VCL: variants seen among roughly 807,000 people sequenced by gnomAD.
The protein encoded by VCL is vinculin.
Under a neutral mutation model 125.7 loss-of-function variants are expected in VCL, and 47 were observed. The ratio of observed to expected loss-of-function variants is 0.37; its 90% confidence interval spans 0.30 to 0.48. The LOEUF (loss-of-function observed/expected upper bound fraction) is 0.48. Among genes scored for constraint, VCL ranks in the 20% least tolerant of loss-of-function variants. VCL has a pLI of 0.99. For synonymous variants in VCL, 458 were observed against 514.6 expected (o/e 0.89, Z 1.49); for missense variants, 1,069 against 1,455.5 (o/e 0.73, Z 4.32).
chr10:74,096,398 G>T (rs1839970329), intron 12 of VCL, among the ~76,000 whole-genome samples: 1 of 151,954 alleles, frequency 6.6e-6, no homozygotes, highest in Non-Finnish European at 1.5e-5. Flanking sequence ...TTGTAATCCT[G>T]AAATCTTGGG....
At chr10:74,092,693 T>G (rs1306260713) in intron 10 of VCL, among the ~76,000 whole-genome samples, 1 of 152,218 alleles carries the variant, frequency 6.6e-6, no homozygotes, top group Non-Finnish European at 1.5e-5. Flanking sequence ...TGGTTGACTA[T>G]GCAGTGTTTT....
chr10:74,033,324 GTT>G (rs1378260964), intron 1 of VCL, among the ~76,000 whole-genome samples: 1 of 152,216 alleles, frequency 6.6e-6, no homozygotes, highest in Non-Finnish European at 1.5e-5. Flanking sequence ...GTAGATTAGT[GTT>G]TACCTAAGAT....
chr10:74,114,999 C>G, intron 21 of VCL, 100 bp downstream of exon 21: 1 of 1,119,798 alleles, frequency 8.9e-7, no homozygotes, highest in Non-Finnish European at 1.3e-6. Context: ...AATTGAGTAT[C>G]GAGTATTCAG....
chr10:74,113,182 A>C (rs1840257019), intron 19 of VCL, among the ~76,000 whole-genome samples: 2 of 152,228 alleles, frequency 1.3e-5, no homozygotes, highest in African/African-American at 4.8e-5. Flanking sequence ...ACTTTTAGCT[A>C]GTTTTGAACA....
chr10:74,100,863 CCTT>C, intron 13 of VCL, 82 bp from the exon 14 acceptor site: 1 of 1,528,242 alleles, frequency 6.5e-7, no homozygotes, highest in East Asian at 2.3e-5. Flanking sequence ...CAGTTGCTGC[CCTT>C]CTTAAAGGAT....
At chr10:74,068,068 T>G (rs1375737027) in intron 2 of VCL, among the ~76,000 whole-genome samples, 2 of 152,242 alleles carry the variant, frequency 1.3e-5, no homozygotes, top group Non-Finnish European at 2.9e-5. Flanking sequence ...AAATTTGAAT[T>G]GGTGAGAAGG....
chr10:74,057,229 G>C (rs1841404533), intron 2 of VCL, among the ~76,000 whole-genome samples: 1 of 151,872 alleles, frequency 6.6e-6, no homozygotes, highest in African/African-American at 2.4e-5. Context: ...ATAGGTGTGA[G>C]TCACCATCCC....
At chr10:74,018,682 G>A (rs1055113865) in intron 1 of VCL, among the ~76,000 whole-genome samples, 5 of 151,966 alleles carry the variant, frequency 3.3e-5, no homozygotes, top group African/African-American at 1.2e-4. Flanking sequence ...ACATAAATCA[G>A]TTAAAAAAAA....
rs551947921 is a variant in VCL, at chr10:74,029,856, TA to T, written c.169-13219del. ...TTATGAAGGCAATACATAGTTGATT[TA>T]AAAAAAATACTCTGGAAAAAGTATA... On this transcript the variant is annotated intron_variant, in intron 1 of 21. Coordinates refer to ENST00000211998, the MANE Select transcript of VCL (RefSeq NM_014000.3). Among the ~76,000 whole-genome samples, 23 of 152,118 alleles carry T rather than the reference TA, an allele frequency of 1.5e-4. No individual in the cohort carries two copies. The South Asian group carries it at 1.9e-3, about 12-fold the overall frequency.
At chr10:74,111,619 A>G (rs1003417293) in intron 18 of VCL, among the ~76,000 whole-genome samples, 2 of 152,194 alleles carry the variant, frequency 1.3e-5, no homozygotes, top group South Asian at 4.1e-4. Flanking sequence ...CAAGTATATT[A>G]AAGAAATGGA....
intron 1 of VCL, among the ~76,000 whole-genome samples, chr10:74,027,415 C>T (rs373964827): frequency 1.3e-5 from 2 of 150,714 alleles, no homozygotes; most frequent in African/African-American, 4.9e-5. Context: ...AATCCCAGCA[C>T]TTTGGGAGGC....
At chr10:74,073,994 G>A (rs555654250) in intron 5 of VCL, among the ~76,000 whole-genome samples, 13 of 152,166 alleles carry the variant, frequency 8.5e-5, no homozygotes, top group South Asian at 2.1e-4. Context: ...TTGGGAGGCC[G>A]AGGTGGGTGG....
chr10:74,065,444 C>G (rs1441625932), intron 2 of VCL, among the ~76,000 whole-genome samples: 2 of 152,022 alleles, frequency 1.3e-5, no homozygotes, highest in Admixed American at 6.6e-5. Context: ...GCCCCCAGCA[C>G]TTTAGGAGTC....
At chr10:74,029,555 T>A (rs1267463069) in intron 1 of VCL, among the ~76,000 whole-genome samples, 1 of 152,220 alleles carries the variant, frequency 6.6e-6, no homozygotes, top group Non-Finnish European at 1.5e-5. Flanking sequence ...AGTCTCATAT[T>A]GGGTTAGAAT....
intron 1 of VCL, chr10:74,017,025 G>T (rs1004157521): frequency 6.7e-6 from 1 of 148,506 alleles, no homozygotes; most frequent in Non-Finnish European, 1.5e-5. Flanking sequence ...CCAAGTTGTA[G>T]CATATGTCAG....
rs995178545 is a variant in VCL, at chr10:74,117,134, G to C, written c.3259-889G>C. On this transcript the variant is annotated intron_variant, in intron 21 of 21. Coordinates refer to ENST00000211998, the MANE Select transcript of VCL (RefSeq NM_014000.3). ...TTTAAAGTGGTTGGTTGCTTGGTTT[G>C]TTCATTTGGTTGTTTTTAAAATTCA... 2.0e-5 allele frequency among the ~76,000 whole-genome samples: 3 copies of C among 152,070 alleles called. No homozygotes were observed. The East Asian group carries it at 5.8e-4, about 29-fold the overall frequency.
intron 1 of VCL, among the ~76,000 whole-genome samples, chr10:74,021,436 G>C (rs943297553): frequency 2.0e-5 from 3 of 151,822 alleles, no homozygotes; most frequent in African/African-American, 7.3e-5. Flanking sequence ...AAAATTCTGA[G>C]TCATAGAAGA....
In VCL at chr10:74,090,248, TCTCTCCCTTCC is replaced by T. The variant is rs757069141; in HGVS notation, c.1352+60_1352+70del. 39 of 1,600,484 alleles carry T rather than the reference TCTCTCCCTTCC, an allele frequency of 2.4e-5. No individual in the cohort carries two copies. The South Asian group carries it at 4.2e-4, about 17-fold the overall frequency. On this transcript the variant is annotated intron_variant, in intron 10 of 21. Transcript: ENST00000211998. ...CTTTTCATATCTTTTCTTCTCTTTC[TCTCTCCCTTCC>T]CTCTCCCTTTCTTTCTTTCTTCCCC...
At chr10:74,095,360 G>T (rs1839951051) in intron 11 of VCL, among the ~76,000 whole-genome samples, 1 of 152,204 alleles carries the variant, frequency 6.6e-6, no homozygotes, top group Admixed American at 6.5e-5. Context: ...GGAGGCCGAG[G>T]TGGGTGGATC....
Sources: allele counts gnomAD v4.1 joint callset (sites outside exome capture counted in the v4.1 genomes callset), GRCh38; gene constraint gnomAD v4.1.1; transcripts MANE v1.5; gene names NCBI Gene and HGNC (gene_info 2026-07-23, HGNC 2026-07-21).